RNMT: variants seen among roughly 807,000 people sequenced by gnomAD.
RNMT encodes the protein mRNA cap guanine-N(7) methyltransferase.
In RNMT, 27 loss-of-function variants were observed where a neutral mutation model predicts 56.0. That is an observed-to-expected ratio of 0.48 (90% CI 0.36 to 0.67). The LOEUF (loss-of-function observed/expected upper bound fraction) is 0.67, where lower values mean the gene tolerates loss of function less well. Among genes scored for constraint, RNMT ranks in the 30% least tolerant of loss-of-function variants. The pLI is 0.00. For synonymous variants in RNMT, 184 were observed against 176.2 expected (o/e 1.04, Z -0.35); for missense variants, 519 against 552.1 (o/e 0.94, Z 0.60).
intron 5 of RNMT, among the ~76,000 whole-genome samples, chr18:13,737,402 G>A (rs2044180532): frequency 6.6e-6 from 1 of 152,030 alleles, no homozygotes. Context: ...AATTAGCTGG[G>A]CATGGTGGTG....
At chr18:13,757,118 A>G (rs56020735) in intron 11 of RNMT, among the ~76,000 whole-genome samples, 9,155 of 152,158 alleles carry the variant, frequency 0.06, 288 homozygotes, top group Middle Eastern at 0.13. Flanking sequence ...TCTGAAAACC[A>G]TGTACATACC....
chr18:13,746,913 CTG>C (rs552898568), intron 9 of RNMT, among the ~76,000 whole-genome samples: 99 of 152,180 alleles, frequency 6.5e-4, no homozygotes, highest in Non-Finnish European at 1.2e-3. Flanking sequence ...GTCTTTTAGA[CTG>C]TGTTGTTGCT....
intron 10 of RNMT, 21 bp downstream of exon 10, chr18:13,752,448 G>A: frequency 4.3e-6 from 6 of 1,402,816 alleles, no homozygotes; most frequent in Non-Finnish European, 5.0e-6. Context: ...ATTTATGAAA[G>A]TATTTTATAG....
At chr18:13,756,829 C>T (rs1240830748) in intron 11 of RNMT, among the ~76,000 whole-genome samples, 1 of 152,178 alleles carries the variant, frequency 6.6e-6, no homozygotes, top group African/African-American at 2.4e-5. Context: ...AGGAGTGAGG[C>T]CTCCAGCTTA....
rs74499496 is a variant in RNMT, at chr18:13,740,343, T to C, written c.792+64T>C. On this transcript the variant is annotated intron_variant, in intron 6 of 11. Coordinates refer to ENST00000383314, the MANE Select transcript of RNMT (RefSeq NM_003799.3). ...TTTAGTTTGGGTAAATAATTTGTTT[T>C]AAAAATCAACTCAATTTTTACTTTT... 2,936 of 921,998 alleles carry C rather than the reference T, an allele frequency of 3.2e-3. 64 individuals carry two copies. The African/African-American group carries it at 0.044, about 14-fold the overall frequency. 57.1% of individuals were successfully genotyped at this position (921,998 alleles called of 1,614,324 possible). A position where few individuals can be genotyped will look rare whatever the true frequency, so the allele number is the denominator to read the frequency against.
At chr18:13,749,530 C>G (rs1245511886) in intron 9 of RNMT, among the ~76,000 whole-genome samples, 1 of 152,154 alleles carries the variant, frequency 6.6e-6, no homozygotes, top group Non-Finnish European at 1.5e-5. Context: ...ATTCATAGAT[C>G]ATTTTCTTAA....
At chr18:13,756,732 G>C (rs1598430139) in intron 11 of RNMT, among the ~76,000 whole-genome samples, 1 of 152,206 alleles carries the variant, frequency 6.6e-6, no homozygotes, top group Admixed American at 6.5e-5. Flanking sequence ...TACAAGTTGG[G>C]TTGGAAGAGC....
intron 9 of RNMT, among the ~76,000 whole-genome samples, chr18:13,747,141 G>C (rs2044364974): frequency 6.6e-6 from 1 of 152,032 alleles, no homozygotes; most frequent in Admixed American, 6.6e-5. Context: ...AGTACTTTAA[G>C]CATACTCTGA....
chr18:13,736,411 G>A (rs1389884523), intron 4 of RNMT, among the ~76,000 whole-genome samples: 2 of 151,876 alleles, frequency 1.3e-5, no homozygotes, highest in African/African-American at 4.8e-5. Context: ...GTTGCCTACT[G>A]ATTTTATCTG....
intron 1 of RNMT, 55 bp from the exon 2 acceptor site, chr18:13,730,572 G>A (rs1769489885): frequency 6.6e-6 from 1 of 152,172 alleles, no homozygotes; most frequent in Admixed American, 6.5e-5. Context: ...ATAAATTGGG[G>A]GGAAAGGTAA....
intron 11 of RNMT, among the ~76,000 whole-genome samples, chr18:13,757,818 G>C (rs1423635152): frequency 6.6e-6 from 1 of 152,090 alleles, no homozygotes; most frequent in African/African-American, 2.4e-5. Context: ...ACTTCATCCA[G>C]ATCCATCAGA....
At chr18:13,756,708 C>T (rs138224099) in intron 11 of RNMT, among the ~76,000 whole-genome samples, 7 of 152,300 alleles carry the variant, frequency 4.6e-5, no homozygotes, top group Admixed American at 2.6e-4. Flanking sequence ...GGAAAAACTG[C>T]TATGGTGTTC....
chr18:13,743,341 T>A (rs4796996), intron 8 of RNMT, among the ~76,000 whole-genome samples: 2,092 of 12,920 alleles, frequency 0.16, 143 homozygotes, highest in African/African-American at 0.28. Context: ...AATAAATAAA[T>A]AAATAAATAA....
In RNMT at chr18:13,761,479, A is replaced by T. The variant is rs770776550; in HGVS notation, c.*1500A>T. 1.5e-5 allele frequency: 15 copies of T among 986,220 alleles called. No individual in the cohort carries two copies. Among genetic ancestry groups the T allele is most frequent in the Non-Finnish European group, 1.6e-5 (13 of 830,444 alleles). 61.1% of individuals were successfully genotyped at this position (986,220 alleles called of 1,614,324 possible). On this transcript the variant is annotated 3_prime_UTR_variant, in exon 12 of 12. Transcript: ENST00000383314. ...TAGGTACAGGAAAAACATCATCATT[A>T]TTTCCTCTGTTCACATTTACTGGTC... is the stretch of plus-strand genomic sequence containing the variant.
intron 9 of RNMT, among the ~76,000 whole-genome samples, chr18:13,746,901 C>T (rs1357126966): frequency 6.6e-6 from 1 of 152,188 alleles, no homozygotes; most frequent in Non-Finnish European, 1.5e-5. Flanking sequence ...AGCAGGGTTC[C>T]AGTCTTTTAG....
At position 13,744,156 on chromosome 18, in the gene RNMT, C is replaced by CTTTTTTTTTT. The variant is rs1555794897; in HGVS notation, c.1139+1506_1139+1507insTTTTTTTTTT. 3.4e-3 allele frequency among the ~76,000 whole-genome samples: 88 copies of CTTTTTTTTTT among 25,950 alleles called. 4 individuals carry two copies. Among genetic ancestry groups the CTTTTTTTTTT allele is most frequent in the African/African-American group, 0.013 (84 of 6,678 alleles). 17.0% of individuals were successfully genotyped at this position (25,950 alleles called of 152,430 possible). ...TAAATGCTAAACAAGACCTAGCGGT[C>CTTTTTTTTTT]TTCTTTTTTTTTTTTTTTTTTTTTT... On this transcript the variant is annotated intron_variant, in intron 8 of 11. Coordinates refer to ENST00000383314, the MANE Select transcript of RNMT (RefSeq NM_003799.3).
At position 13,734,610 on chromosome 18, in the gene RNMT, A is replaced by G. The variant is rs1568499923; in HGVS notation, c.553+11A>G. ...AAAGTGTTCTCATTGGTATGATCCAACACCAAGCTACTGAGTCTTTAATTC... is the reference window on the plus strand; with the variant it reads ...AAAGTGTTCTCATTGGTATGATCCAGCACCAAGCTACTGAGTCTTTAATTC... On this transcript the variant is annotated intron_variant, in intron 4 of 11. Coordinates refer to ENST00000383314, the MANE Select transcript of RNMT (RefSeq NM_003799.3). 1 of 1,596,440 alleles carries G rather than the reference A, an allele frequency of 6.3e-7. No homozygotes were observed. The highest frequency in any genetic ancestry group is 8.5e-7 in the Non-Finnish European group (1 of 1,171,984).
At chr18:13,754,027 G>T in intron 10 of RNMT, 87 bp from the exon 11 acceptor site, 2 of 702,768 alleles carry the variant, frequency 2.8e-6, no homozygotes, top group African/African-American at 1.8e-5. Context: ...AGGGTCTTTT[G>T]GCCATCTCTG....
Position 13,762,319 on chromosome 18 carries a change from G to A in RNMT, c.*2340G>A, listed in dbSNP as rs558780000. Reference sequence around the variant, plus strand: ...GAATATACTTGAGAAAGCACTAGTGGCTTGTGTTCAGGGAGAGGAGCTGGC... The same window carrying A: ...GAATATACTTGAGAAAGCACTAGTGACTTGTGTTCAGGGAGAGGAGCTGGC... On this transcript the variant is annotated 3_prime_UTR_variant, in exon 12 of 12. Transcript: ENST00000383314. 4.7e-6 allele frequency: 4 copies of A among 851,862 alleles called. No homozygotes were observed. In the East Asian group the frequency reaches 1.1e-4, roughly 24 times the overall value. 52.8% of individuals were successfully genotyped at this position (851,862 alleles called of 1,614,324 possible). A position where few individuals can be genotyped will look rare whatever the true frequency, so the allele number is the denominator to read the frequency against.
Sources: allele counts gnomAD v4.1 joint callset (sites outside exome capture counted in the v4.1 genomes callset), GRCh38; gene constraint gnomAD v4.1.1; transcripts MANE v1.5; gene names NCBI Gene and HGNC (gene_info 2026-07-23, HGNC 2026-07-21).